CREBBP: variants seen among roughly 807,000 people sequenced by gnomAD.
The protein encoded by CREBBP is CREB-binding protein.
Under a neutral mutation model 265.0 loss-of-function variants are expected in CREBBP, and 19 were observed. The ratio of observed to expected loss-of-function variants is 0.07; its 90% CI spans 0.05 to 0.11. The LOEUF (loss-of-function observed/expected upper bound fraction) is 0.11. Ranked by LOEUF, CREBBP falls within the 10% of genes least tolerant of loss-of-function variation. The pLI, the probability that CREBBP is intolerant of heterozygous loss-of-function variation, is 1.00. For missense variants in CREBBP, 2,525 were observed against 3,219.0 expected (o/e 0.78, Z 5.22); for synonymous variants, 1,457 against 1,223.7 (o/e 1.19, Z -3.98).
intron 2 of CREBBP, among the ~76,000 whole-genome samples, chr16:3,814,399 C>T (rs1157628238): frequency 6.6e-6 from 1 of 152,122 alleles, no homozygotes; most frequent in African/African-American, 2.4e-5. Flanking sequence ...AGTTCACAGG[C>T]ATGCACCACC....
rs371228909 is a variant in CREBBP, at chr16:3,800,188, G to A, written c.976-6562C>T. The stretch of plus-strand genomic sequence containing the variant: ...GGCTGAAGTGAAGTAGTGCAATCAT[G>A]GCTCACACAGTCTCACCCTCCTGGG... On this transcript the variant is annotated intron_variant, in intron 3 of 30. Coordinates refer to ENST00000262367, the MANE Select transcript of CREBBP (RefSeq NM_004380.3). Among the ~76,000 whole-genome samples the A allele has an allele frequency of 1.1e-4, 16 of 152,160 alleles. No individual in the cohort carries two copies. In the East Asian group the frequency reaches 1.7e-3, roughly 16 times the overall value.
Position 3,816,533 on chromosome 16 carries a change from C to T in CREBBP, c.799-5754G>A, listed in dbSNP as rs1294287684. Among the ~76,000 whole-genome samples the T allele has an allele frequency of 2.0e-5, 3 of 152,136 alleles. No individual in the cohort carries two copies. The East Asian group carries it at 5.8e-4, about 29-fold the overall frequency. ...ACCTGCAGCAAATCCTGGTGCTGAG[C>T]CTAGCCCATCCATTAAATCCTGTGG... is the stretch of plus-strand genomic sequence containing the variant. On this transcript the variant is annotated intron_variant, in intron 2 of 30. Transcript: ENST00000262367.
intron 2 of CREBBP, among the ~76,000 whole-genome samples, chr16:3,835,077 T>C (rs1567348927): frequency 6.6e-6 from 1 of 152,246 alleles, no homozygotes; most frequent in East Asian, 1.9e-4. Context: ...GAGAATGGCA[T>C]GAACCCGGGA....
Position 3,729,842 on chromosome 16 carries a change from C to T in CREBBP, c.5205G>A (p.Thr1735=), listed in dbSNP as rs772658365. The part of the protein sequence containing the change: ...DYDLCINCYN[T]KSHAHKMVKW... ...TCACCATCTTATGGGCATGGCTCTT[C>T]GTGTTATAGCAGTTGATGCAGAGGT... is the stretch of plus-strand genomic sequence containing the variant. The change falls in exon 31 of 31, where the codon ACG becomes ACA. Residue 1735 remains threonine, a synonymous_variant. Transcript: ENST00000262367. The T allele has an allele frequency of 7.5e-6, 12 of 1,603,368 alleles. No individual in the cohort carries two copies. Among genetic ancestry groups the T allele is most frequent in the African/African-American group, 4.0e-5 (3 of 74,910 alleles).
At chr16:3,733,966 T>C (rs1344997006) in intron 28 of CREBBP, among the ~76,000 whole-genome samples, 1 of 152,232 alleles carries the variant, frequency 6.6e-6, no homozygotes, top group African/African-American at 2.4e-5. Context: ...TACAAAATTA[T>C]AAAATAAATA....
intron 24 of CREBBP, among the ~76,000 whole-genome samples, chr16:3,740,064 G>A (rs771694379): frequency 6.6e-6 from 1 of 152,130 alleles, no homozygotes; most frequent in Non-Finnish European, 1.5e-5. Context: ...ACCTCTATGC[G>A]TTTTTTCTTA....
At chr16:3,879,742 G>T in intron 1 of CREBBP, 90 bp downstream of exon 1, 1 of 1,368,578 alleles carries the variant, frequency 7.3e-7, no homozygotes, top group Non-Finnish European at 1.0e-6. Flanking sequence ...CGGCTCGATC[G>T]GTATCCGCGA....
intron 11 of CREBBP, among the ~76,000 whole-genome samples, chr16:3,776,111 T>A (rs1388455206): frequency 2.0e-5 from 3 of 151,580 alleles, no homozygotes; most frequent in Non-Finnish European, 4.4e-5. Context: ...GAGACGGGGG[T>A]TTCACCATGT....
rs764179430 is a variant in CREBBP, at chr16:3,731,165, G to T, written c.5172+27C>A. 5 of 1,602,038 alleles carry T rather than the reference G, an allele frequency of 3.1e-6. No homozygotes were observed. The highest frequency in any genetic ancestry group is 4.3e-6 in the Non-Finnish European group (5 of 1,172,574). On this transcript the variant is annotated intron_variant, in intron 30 of 30. Coordinates refer to ENST00000262367, the MANE Select transcript of CREBBP (RefSeq NM_004380.3). This position sits in a 1 kb window ranked among gnomAD's most constrained non-coding sequence, Gnocchi z 7.7. ...CTTCGTCAGACCCCAGGCCGGCTGT[G>T]GGGGTGGGGGTGGGGGCAGGGCCTA...
intron 2 of CREBBP, among the ~76,000 whole-genome samples, chr16:3,815,109 T>C (rs130052): frequency 0.081 from 12,318 of 152,300 alleles, 732 homozygotes; most frequent in East Asian, 0.3. Flanking sequence ...TCTCCATTAA[T>C]CAAACTGAGC....
At position 3,782,729 on chromosome 16, in the gene CREBBP, C is replaced by T. The variant is rs749971148; in HGVS notation, c.1528G>A (p.Ala510Thr). ...LQPQVPGQQP[A>T]QPQTHQQMRT... ...ATCTGCTGGTGGGTTTGAGGCTGTG[C>T]TGGTTGCTGGCCAGGAACCTGAGGC... Residue 510 changes from alanine (A) to threonine (T), a missense_variant, in exon 6 of 31, where the codon GCA becomes ACA. Ala to Thr is a moderately conservative substitution (Grantham distance 58). Around this residue, in one of 19 missense-constraint regions of CREBBP, gnomAD observed 144 missense variants for 134.0 expected, o/e 1.07. Transcript: ENST00000262367. 14 of 1,614,056 alleles carry T rather than the reference C, an allele frequency of 8.7e-6. No individual in the cohort carries two copies. The highest frequency in any genetic ancestry group is 1.7e-5 in the Admixed American group (1 of 60,008).
At chr16:3,836,003 T>C (rs1321561961) in intron 2 of CREBBP, among the ~76,000 whole-genome samples, 1 of 152,046 alleles carries the variant, frequency 6.6e-6, no homozygotes, top group Non-Finnish European at 1.5e-5. Context: ...AAAGAACTAG[T>C]TCATGCCAAC....
chr16:3,841,578 C>A (rs1344884333), intron 2 of CREBBP, among the ~76,000 whole-genome samples: 1 of 152,082 alleles, frequency 6.6e-6, no homozygotes, highest in Admixed American at 6.6e-5. Context: ...GAGTTCGAGG[C>A]TGCAGGGAGC....
At chr16:3,745,821 T>A (rs562424316) in intron 21 of CREBBP, among the ~76,000 whole-genome samples, 1 of 152,306 alleles carries the variant, frequency 6.6e-6, no homozygotes, top group East Asian at 1.9e-4. Context: ...ACACGGCCAG[T>A]TCAGAGCAGC....
intron 12 of CREBBP, 49 bp from the exon 13 acceptor site, chr16:3,773,979 CAG>C (rs2053077680): frequency 4.4e-6 from 7 of 1,601,360 alleles, no homozygotes; most frequent in Middle Eastern, 2.3e-4. Flanking sequence ...AGCTGACGGC[CAG>C]AGTTTTCAAG....
intron 2 of CREBBP, among the ~76,000 whole-genome samples, chr16:3,834,982 C>A (rs1459470954): frequency 6.6e-6 from 1 of 152,148 alleles, no homozygotes; most frequent in Non-Finnish European, 1.5e-5. Flanking sequence ...CACGGTGAAA[C>A]CCCGTCTCTA....
chr16:3,734,353 A>G (rs1421484675), intron 28 of CREBBP, among the ~76,000 whole-genome samples: 1 of 152,158 alleles, frequency 6.6e-6, no homozygotes, highest in Non-Finnish European at 1.5e-5. Context: ...AAGGGACAGC[A>G]GGTCTACATG....
chr16:3,732,008 A>G lies in CREBBP; in HGVS notation c.4729-71T>C, dbSNP rs2051930911. The G allele has an allele frequency of 1.9e-6, 3 of 1,612,100 alleles. No homozygotes were observed. The Admixed American group carries it at 5.0e-5, about 27-fold the overall frequency. On this transcript the variant is annotated intron_variant, in intron 28 of 30. Coordinates refer to ENST00000262367, the MANE Select transcript of CREBBP (RefSeq NM_004380.3). ...CACTTGGCACGGACGCCCAGCTCCCAGGCCGTGGGCATCAGGAAGCTCAGG... is the reference window on the plus strand; with the variant it reads ...CACTTGGCACGGACGCCCAGCTCCCGGGCCGTGGGCATCAGGAAGCTCAGG...
chr16:3,832,180 T>G (rs1256118439), intron 2 of CREBBP, among the ~76,000 whole-genome samples: 2 of 152,084 alleles, frequency 1.3e-5, no homozygotes, highest in East Asian at 3.9e-4. Context: ...TTAAAGTAAC[T>G]GAATCATAAT....
Sources: gnomAD v4.1 joint callset for allele counts (sites outside exome capture counted in the v4.1 genomes callset) on GRCh38, gnomAD v4.1.1 for gene constraint, gnomAD v4.1.1 regional missense constraint, Gnocchi (gnomAD v3.1) non-coding constraint, MANE v1.5 for transcripts, NCBI Gene and HGNC (gene_info 2026-07-23, HGNC 2026-07-21) for gene names.